SLC44A4: variants seen among roughly 807,000 people sequenced by gnomAD.
SLC44A4 encodes the protein choline transporter-like protein 4.
Under a neutral mutation model 97.0 loss-of-function variants are expected in SLC44A4, and 74 were observed. That is an observed-to-expected ratio of 0.76 (90% CI 0.63 to 0.93). The LOEUF is 0.93. Ranked by LOEUF, SLC44A4 falls within the 40% of genes least tolerant of loss-of-function variation. The pLI, the probability that SLC44A4 is intolerant of heterozygous loss-of-function variation, is 0.00. For synonymous variants in SLC44A4, 325 were observed against 363.8 expected (o/e 0.89, Z 1.21); for missense variants, 799 against 902.9 (o/e 0.88, Z 1.48).
intron 10 of SLC44A4, 35 bp from the exon 11 acceptor site, chr6:31,870,737 G>T (rs1473063558): frequency 1.9e-6 from 3 of 1,611,290 alleles, no homozygotes; most frequent in Non-Finnish European, 2.5e-6. Context: ...CTAGGTCAGG[G>T]CCAGGGCTGG....
At chr6:31,870,769 G>T in intron 10 of SLC44A4, 43 bp downstream of exon 10, 1 of 1,611,016 alleles carries the variant, frequency 6.2e-7, no homozygotes, top group South Asian at 1.1e-5. Flanking sequence ...GCCCAGGGCG[G>T]TCCTTGGGCA....
At position 31,877,444 on chromosome 6, in the gene SLC44A4, C is replaced by CT. The variant is rs1311617862; in HGVS notation, c.41-363dup. ...CTGGGATGTGGGACTCCCAGTGGCT[C>CT]TCACTCCCTCATTCTCATCCCTGCC... On this transcript the variant is annotated intron_variant, in intron 1 of 20. Transcript: ENST00000229729. The surrounding 1 kb of genome is among the most constrained non-coding windows in gnomAD (Gnocchi z 6.5). 1 of 371,328 alleles carries CT rather than the reference C, an allele frequency of 2.7e-6. No homozygotes were observed. The allele number at this position is 371,328 out of a possible 1,614,324, so 23.0% of individuals were successfully genotyped here. A position where few individuals can be genotyped will look rare whatever the true frequency, so the allele number is the denominator to read the frequency against.
At chr6:31,867,884 C>T (rs1389596491) in intron 13 of SLC44A4, among the ~76,000 whole-genome samples, 2 of 146,300 alleles carry the variant, frequency 1.4e-5, no homozygotes, top group African/African-American at 5.2e-5. Flanking sequence ...ATGGCGCGAT[C>T]TCAGCTCACT....
intron 7 of SLC44A4, among the ~76,000 whole-genome samples, chr6:31,873,339 C>T (rs1039778640): frequency 6.6e-6 from 1 of 152,124 alleles, no homozygotes; most frequent in African/African-American, 2.4e-5. Context: ...CATGCCACCA[C>T]GCCCAGCTAA....
intron 13 of SLC44A4, among the ~76,000 whole-genome samples, 171 bp downstream of exon 13, chr6:31,868,984 C>G (rs749403759): frequency 2.6e-5 from 4 of 152,094 alleles, no homozygotes; most frequent in Non-Finnish European, 5.9e-5. Flanking sequence ...AACAGGAGTA[C>G]CAGGTATTCT....
rs747418446 is a variant in SLC44A4, at chr6:31,864,808, T to A, written c.1926+8A>T. The A allele has an allele frequency of 6.2e-7, 1 of 1,612,898 alleles. No individual in the cohort carries two copies. Among genetic ancestry groups the A allele is most frequent in the African/African-American group, 1.3e-5 (1 of 74,616 alleles). ...GGGGGTGGAGCAGCAGAGAGGGGAG[T>A]CACTCACCATGATGGGCAGCCAGTA... On this transcript the variant is annotated splice_region_variant and intron_variant, in intron 19 of 20. Transcript: ENST00000229729.
intron 13 of SLC44A4, among the ~76,000 whole-genome samples, chr6:31,867,237 G>C (rs1762915375): frequency 6.6e-6 from 1 of 151,390 alleles, no homozygotes; most frequent in Non-Finnish European, 1.5e-5. Context: ...GTGCCACCAT[G>C]CCTGGCTAAT....
chr6:31,865,345 G>A lies in SLC44A4; in HGVS notation c.1730C>T (p.Ala577Val), dbSNP rs748439826. ...AATGTTTCGCATGAGTAGCATGAACGCATTTTTGGCTGAGACACAGAAATT... is the reference window on the plus strand; with the variant it reads ...AATGTTTCGCATGAGTAGCATGAACACATTTTTGGCTGAGACACAGAAATT... ...GKNFCVSAKNAFMLLMRNIVR... is the reference protein window; with the variant it reads ...GKNFCVSAKNVFMLLMRNIVR... Residue 577 changes from alanine to valine, a missense_variant, in exon 17 of 21, where the codon GCG becomes GTG. Physicochemically the swap from Ala to Val is moderately conservative, Grantham distance 64. Transcript: ENST00000229729. This position sits in a 1 kb window ranked among gnomAD's most constrained non-coding sequence, Gnocchi z 5.2. 18 of 1,613,872 alleles carry A rather than the reference G, an allele frequency of 1.1e-5. No homozygotes were observed. The highest frequency in any genetic ancestry group is 1.0e-4 in the Admixed American group (6 of 59,972).
Position 31,874,371 on chromosome 6 carries a change from A to T in SLC44A4, c.529+89T>A. ...AATTTTGCCACCAACAAGCTATGTG[A>T]CTTCACTCTCTCTGGGCCTGATTTC... On this transcript the variant is annotated intron_variant, in intron 7 of 20. Coordinates refer to ENST00000229729, the MANE Select transcript of SLC44A4 (RefSeq NM_025257.3). The surrounding 1 kb of genome is among the most constrained non-coding windows in gnomAD (Gnocchi z 4.8). The T allele has an allele frequency of 5.8e-5, 77 of 1,321,808 alleles. No individual in the cohort carries two copies. Among genetic ancestry groups the T allele is most frequent in the South Asian group, 8.4e-5 (7 of 82,868 alleles). The allele number at this position is 1,321,808 out of a possible 1,614,324, so 81.9% of individuals were successfully genotyped here.
intron 20 of SLC44A4, 23 bp from the exon 21 acceptor site, chr6:31,863,771 T>C: frequency 6.2e-7 from 1 of 1,611,740 alleles, no homozygotes; most frequent in Non-Finnish European, 8.5e-7. Context: ...AGAGACCGGT[T>C]AGAGCGGACC....
intron 13 of SLC44A4, among the ~76,000 whole-genome samples, chr6:31,866,419 C>G (rs1339268513): frequency 6.6e-6 from 1 of 152,192 alleles, no homozygotes; most frequent in East Asian, 1.9e-4. Flanking sequence ...AAAACCCTTT[C>G]CGGCAAATTG....
In SLC44A4 at chr6:31,876,824, A is replaced by AG. The variant is rs1164870456; in HGVS notation, c.89+209dup. ...CTCTCGCTTGTGAAGCCGGCACTTA[A>AG]GTCAAGAAACAGAACATCCCCCCAG... On this transcript the variant is annotated intron_variant, in intron 2 of 20. Transcript: ENST00000229729. The surrounding 1 kb of genome is among the most constrained non-coding windows in gnomAD (Gnocchi z 4.8). 6.6e-6 allele frequency among the ~76,000 whole-genome samples: 1 copy of AG among 152,186 alleles called. No individual in the cohort carries two copies. Among genetic ancestry groups the AG allele is most frequent in the Non-Finnish European group, 1.5e-5 (1 of 68,030 alleles).
intron 12 of SLC44A4, 109 bp from the exon 13 acceptor site, chr6:31,869,366 G>T: frequency 1.0e-6 from 1 of 1,004,104 alleles, no homozygotes; most frequent in Non-Finnish European, 1.5e-6. Flanking sequence ...CACAGAGAGG[G>T]CTGAAATTCA....
intron 9 of SLC44A4, 32 bp downstream of exon 9, chr6:31,871,282 G>A: frequency 6.3e-7 from 1 of 1,591,908 alleles, no homozygotes; most frequent in Non-Finnish European, 8.6e-7. Flanking sequence ...AAGAAGGCAA[G>A]GACACAAGAG....
At position 31,865,073 on chromosome 6, in the gene SLC44A4, C is replaced by T. The variant is rs770095927; in HGVS notation, c.1768G>A (p.Val590Ile). ...AGCAGGTCTGTGACTTTGTCCAGGA[C>T]GACCACCCTGTGCCAGAAGTTAGGG... ...LLMRNIVRVV[V>I]LDKVTDLLLF... Residue 590 changes from valine (V) to isoleucine (I), a missense_variant, in exon 18 of 21, where the codon GTC becomes ATC. By Grantham distance (29) the Val-to-Ile change is conservative. This residue lies in a region of SLC44A4 where 379 missense variants were observed against 438.3 expected (regional missense o/e 0.86). Transcript: ENST00000229729. The surrounding 1 kb of genome is among the most constrained non-coding windows in gnomAD (Gnocchi z 5.2). 22 of 1,613,232 alleles carry T rather than the reference C, an allele frequency of 1.4e-5. No homozygotes were observed. The highest frequency in any genetic ancestry group is 2.2e-5 in the East Asian group (1 of 44,896).
Position 31,874,484 on chromosome 6 carries a change from T to G in SLC44A4, c.505A>C (p.Ser169Arg). Residue 169 changes from serine to arginine, a missense_variant, in exon 7 of 21, where the codon AGT (serine) becomes CGT (arginine). Coordinates refer to ENST00000229729, the MANE Select transcript of SLC44A4 (RefSeq NM_025257.3). This position sits in a 1 kb window ranked among gnomAD's most constrained non-coding sequence, Gnocchi z 4.8. ...ITSLQQELCP[S>R]FLLPSAPALG... Reference sequence around the variant, plus strand: ...CCTGGAGCAGAGGGGAGGAGGAAACTGGGGCAGAGTTCCTGTTGCAGGCTT... The same window carrying G: ...CCTGGAGCAGAGGGGAGGAGGAAACGGGGGCAGAGTTCCTGTTGCAGGCTT... 2 of 1,613,022 alleles carry G rather than the reference T, an allele frequency of 1.2e-6. No homozygotes were observed. Among genetic ancestry groups the G allele is most frequent in the Non-Finnish European group, 1.7e-6 (2 of 1,180,016 alleles).
chr6:31,871,634 TC>T, intron 7 of SLC44A4, 73 bp from the exon 8 acceptor site: 1 of 1,158,178 alleles, frequency 8.6e-7, no homozygotes, highest in Non-Finnish European at 1.3e-6. Context: ...CCCCTCCCAG[TC>T]CACAGTGCCC....
Position 31,875,008 on chromosome 6 carries a change from T to A in SLC44A4, c.263A>T (p.Tyr88Phe). ...GENKDKPYLLYFNIFSCILSS... is the reference protein window; with the variant it reads ...GENKDKPYLLFFNIFSCILSS... The stretch of plus-strand genomic sequence containing the variant: ...CAGGATGCAGCTGAAGATGTTGAAG[T>A]ACAGGAGATACGGCTTATCTCTGTG... Residue 88 changes from tyrosine (Y) to phenylalanine (F), a missense_variant, in exon 5 of 21, where the codon TAC becomes TTC. By Grantham distance (22) the Tyr-to-Phe change is conservative (BLOSUM62 3). Around this residue, in one of 3 missense-constraint regions of SLC44A4, gnomAD observed 409 missense variants for 434.1 expected, o/e 0.94. Transcript: ENST00000229729. 1 of 1,612,542 alleles carries A rather than the reference T, an allele frequency of 6.2e-7. No homozygotes were observed. The highest frequency in any genetic ancestry group is 8.5e-7 in the Non-Finnish European group (1 of 1,179,908).
Position 31,869,154 on chromosome 6 carries a change from C to T in SLC44A4, c.1233+1G>A. On this transcript the variant is annotated splice_donor_variant, in intron 13 of 20. Transcript: ENST00000229729. LOFTEE classifies it high-confidence loss of function. Reference sequence around the variant, plus strand: ...CCTCCATGTCCCCTGCTTCCTCTTACCGTGGGGTTGCATGATGTATTTATT... The same window carrying T: ...CCTCCATGTCCCCTGCTTCCTCTTATCGTGGGGTTGCATGATGTATTTATT... 1 of 1,602,884 alleles carries T rather than the reference C, an allele frequency of 6.2e-7. No individual in the cohort carries two copies. Among genetic ancestry groups the T allele is most frequent in the African/African-American group, 1.3e-5 (1 of 74,842 alleles).
Sources: allele counts gnomAD v4.1 joint callset (sites outside exome capture counted in the v4.1 genomes callset), GRCh38; gene constraint gnomAD v4.1.1; regional missense constraint gnomAD v4.1.1; non-coding constraint Gnocchi (gnomAD v3.1); transcripts MANE v1.5; gene names NCBI Gene and HGNC (gene_info 2026-07-23, HGNC 2026-07-21).